The following CTNNA2 variants were observed in gnomAD, a reference collection of about 807,000 sequenced individuals.
CTNNA2 encodes catenin alpha-2.
A neutral mutation model predicts 101.0 loss-of-function variants in CTNNA2; 42 were observed. The ratio of observed to expected loss-of-function variants is 0.42; its 90% confidence interval spans 0.32 to 0.54. The LOEUF (loss-of-function observed/expected upper bound fraction) is 0.54, where lower values mean the gene tolerates loss of function less well. Ranked by LOEUF, CTNNA2 falls within the 20% of genes least tolerant of loss-of-function variation. The pLI, the probability that CTNNA2 is intolerant of heterozygous loss-of-function variation, is 0.14. For missense variants in CTNNA2, 871 were observed against 1,223.1 expected (o/e 0.71, Z 4.29); for synonymous variants, 450 against 456.4 (o/e 0.99, Z 0.18).
intron 9 of CTNNA2, among the ~76,000 whole-genome samples, chr2:80,439,543 C>G (rs760302856): frequency 6.6e-6 from 1 of 151,996 alleles, no homozygotes. Context: ...GGATTACAGG[C>G]GCAAACCACC....
intron 4 of CTNNA2, among the ~76,000 whole-genome samples, chr2:79,406,902 C>T (rs1678347451): frequency 6.6e-6 from 1 of 151,996 alleles, no homozygotes; most frequent in African/African-American, 2.4e-5. Context: ...ATATCGATAT[C>T]ATGTTCCATC....
intron 4 of CTNNA2, chr2:79,374,147 A>T (rs4852480): frequency 0.81 from 125,365 of 155,022 alleles, 51,216 homozygotes; most frequent in African/African-American, 0.91. Context: ...ATTCATCATC[A>T]TCACCAGCAA....
chr2:80,360,069 T>G (rs1244194623), intron 7 of CTNNA2, among the ~76,000 whole-genome samples: 1 of 152,144 alleles, frequency 6.6e-6, no homozygotes, highest in Non-Finnish European at 1.5e-5. Flanking sequence ...TTAGCAAAGT[T>G]TTGTAGTTTC....
intron 9 of CTNNA2, among the ~76,000 whole-genome samples, chr2:80,494,013 C>A (rs889650166): frequency 6.6e-6 from 1 of 152,190 alleles, no homozygotes; most frequent in East Asian, 1.9e-4. Context: ...AAGTGGTCTG[C>A]GTGAGAAAGG....
intron 7 of CTNNA2, among the ~76,000 whole-genome samples, chr2:79,963,450 T>C (rs551541736): frequency 9.9e-5 from 15 of 152,284 alleles, no homozygotes; most frequent in Non-Finnish European, 2.1e-4. Flanking sequence ...ATGCCAGCCA[T>C]CACTGCTTGA....
At chr2:80,033,594 A>G (rs1695449040) in intron 7 of CTNNA2, among the ~76,000 whole-genome samples, 1 of 152,212 alleles carries the variant, frequency 6.6e-6, no homozygotes, top group South Asian at 2.1e-4. Context: ...AACAAAAACA[A>G]AAAACACTCA....
intron 4 of CTNNA2, among the ~76,000 whole-genome samples, chr2:79,494,227 A>G (rs1183157805): frequency 1.3e-5 from 2 of 152,090 alleles, no homozygotes; most frequent in African/African-American, 2.4e-5. Flanking sequence ...TAACATCCCA[A>G]ACTTATCTGC....
chr2:80,313,441 G>C (rs866907770), intron 7 of CTNNA2: 1 of 1,490,632 alleles, frequency 6.7e-7, no homozygotes, highest in Non-Finnish European at 8.9e-7. Context: ...GAGTGGAGAT[G>C]ATGAGTAACA....
At chr2:79,469,235 A>G (rs1261044661) in intron 4 of CTNNA2, among the ~76,000 whole-genome samples, 1 of 152,230 alleles carries the variant, frequency 6.6e-6, no homozygotes, top group Non-Finnish European at 1.5e-5. Context: ...CTGCCATCAG[A>G]GAATACTATA....
At chr2:80,321,856 C>T (rs1306048774) in intron 7 of CTNNA2, among the ~76,000 whole-genome samples, 1 of 152,072 alleles carries the variant, frequency 6.6e-6, no homozygotes, top group Non-Finnish European at 1.5e-5. Context: ...ACATGTTTTG[C>T]GAGGCTGGCT....
chr2:79,528,213 T>C lies in CTNNA2; in HGVS notation c.-6+15006T>C, dbSNP rs1355668325. Among the ~76,000 whole-genome samples, 3 of 140,500 alleles carry C rather than the reference T, an allele frequency of 2.1e-5. No individual in the cohort carries two copies. In the East Asian group the frequency reaches 5.9e-4, roughly 28 times the overall value. 92.2% of individuals were successfully genotyped at this position (140,500 alleles called of 152,430 possible). ...CACGTTCTCTTTTTCTTTTCTTTTC[T>C]TTTTTTTTTGGAGACACGGAGACAG... On this transcript the variant is annotated intron_variant, in intron 1 of 18. Transcript: ENST00000402739.
chr2:79,881,907 G>T (rs1476866467), intron 6 of CTNNA2, among the ~76,000 whole-genome samples: 1 of 149,684 alleles, frequency 6.7e-6, no homozygotes, highest in Non-Finnish European at 1.5e-5. Flanking sequence ...AGAGTCGTTG[G>T]CCTTTATATT....
chr2:79,235,932 A>G, intron 2 of CTNNA2, among the ~76,000 whole-genome samples: 1 of 152,066 alleles, frequency 6.6e-6, no homozygotes, highest in East Asian at 1.9e-4. Flanking sequence ...ACAGGACGCT[A>G]CCCCACTGGC....
intron 1 of CTNNA2, among the ~76,000 whole-genome samples, chr2:79,548,826 T>C (rs555717842): frequency 6.6e-6 from 1 of 152,298 alleles, no homozygotes; most frequent in Admixed American, 6.5e-5. Flanking sequence ...CCACAGTGCC[T>C]GCTCCTCTTT....
Position 79,359,877 on chromosome 2 carries a change from A to G in CTNNA2, c.-317-13954A>G, listed in dbSNP as rs941934959. On this transcript the variant is annotated intron_variant, in intron 3 of 21. Transcript: ENST00000466387. ...CATTTCAGAGAATCTGTAAGGTCAA[A>G]CTGTTTTCATCATAATGCTTAGGAA... 5.3e-5 allele frequency among the ~76,000 whole-genome samples: 8 copies of G among 152,182 alleles called. No individual in the cohort carries two copies. In the East Asian group the frequency reaches 1.5e-3, roughly 29 times the overall value.
At chr2:79,770,968 T>C (rs145470170) in intron 3 of CTNNA2, among the ~76,000 whole-genome samples, 282 of 152,348 alleles carry the variant, frequency 1.9e-3, no homozygotes, top group African/African-American at 6.2e-3. Context: ...ACACAGTTAG[T>C]GGCAAATCAG....
At chr2:80,375,047 C>A (rs1675811570) in intron 7 of CTNNA2, among the ~76,000 whole-genome samples, 1 of 152,138 alleles carries the variant, frequency 6.6e-6, no homozygotes, top group Admixed American at 6.5e-5. Context: ...TTCTTCCCCA[C>A]CCCAGGCGAG....
At chr2:80,585,780 A>T (rs191824073) in intron 14 of CTNNA2, among the ~76,000 whole-genome samples, 399 of 152,306 alleles carry the variant, frequency 2.6e-3, no homozygotes, top group Non-Finnish European at 4.8e-3. Flanking sequence ...TCTACTGTTT[A>T]TAGATAACCT....
At chr2:80,382,074 A>G (rs1261575847) in intron 7 of CTNNA2, among the ~76,000 whole-genome samples, 1 of 152,182 alleles carries the variant, frequency 6.6e-6, no homozygotes, top group Non-Finnish European at 1.5e-5. Flanking sequence ...AAAGGGAATG[A>G]GAGTAGGCAA....
Sources: allele counts gnomAD v4.1 joint callset (sites outside exome capture counted in the v4.1 genomes callset), GRCh38; gene constraint gnomAD v4.1.1; transcripts MANE v1.5; gene names NCBI Gene and HGNC (gene_info 2026-07-23, HGNC 2026-07-21).